The following SERAC1 variants were observed in gnomAD, a reference collection of about 807,000 sequenced individuals.
The protein encoded by SERAC1 is serine active site containing 1.
Under a neutral mutation model 85.7 loss-of-function variants are expected in SERAC1, and 36 were observed. The observed-to-expected ratio is 0.42, with a 90% CI of 0.32 to 0.55. The LOEUF is 0.55. Ranked by LOEUF, SERAC1 falls within the 20% of genes least tolerant of loss-of-function variation. The pLI, the probability that SERAC1 is intolerant of heterozygous loss-of-function variation, is 0.11. For missense variants in SERAC1, 629 were observed against 796.2 expected, an observed-to-expected ratio of 0.79 and a Z score of 2.53; for synonymous variants, 242 against 265.3, an observed-to-expected ratio of 0.91 and a Z score of 0.85.
At chr6:158,154,805 T>G (rs1199815484) in intron 3 of SERAC1, among the ~76,000 whole-genome samples, 1 of 152,176 alleles carries the variant, frequency 6.6e-6, no homozygotes, top group East Asian at 1.9e-4. Context: ...CTTTAGAACC[T>G]AATACCAGAT....
intron 1 of SERAC1, among the ~76,000 whole-genome samples, chr6:158,163,435 T>C (rs1344014894): frequency 1.3e-5 from 2 of 152,210 alleles, no homozygotes; most frequent in Non-Finnish European, 2.9e-5. Flanking sequence ...TGGTGGCTCA[T>C]GCCTATAATC....
intron 1 of SERAC1, chr6:158,162,240 A>C (rs1209519056): frequency 6.6e-6 from 1 of 152,232 alleles, no homozygotes; most frequent in East Asian, 1.9e-4. Context: ...TTCCTCATCT[A>C]TAAAATGGTG....
chr6:158,117,560 T>G lies in SERAC1; in HGVS notation c.1403+167A>C, dbSNP rs564229385. ...AGCCTTCTACTATTCCACTGCTTAT[T>G]GACAGCAAACTCCTTCTAGAAGGAA... On this transcript the variant is annotated intron_variant, in intron 13 of 16. Transcript: ENST00000647468. This position sits in a 1 kb window ranked among gnomAD's most constrained non-coding sequence, Gnocchi z 4.3. The G allele has an allele frequency of 1.2e-5, 18 of 1,551,124 alleles. No individual in the cohort carries two copies. In the African/African-American group the frequency reaches 1.4e-4, roughly 12 times the overall value.
rs113529006 is a variant in SERAC1 at position 158,130,909 on chromosome 6, T to C, written c.739-423A>G. Among the ~76,000 whole-genome samples, 110 of 152,326 alleles carry C rather than the reference T, an allele frequency of 7.2e-4. 2 individuals carry two copies. Among genetic ancestry groups the C allele is most frequent in the African/African-American group, 2.5e-3 (102 of 41,582 alleles). On this transcript the variant is annotated intron_variant, in intron 8 of 16. Coordinates refer to ENST00000647468, the MANE Select transcript of SERAC1 (RefSeq NM_032861.4). ...TAATTCAAAAGATATAAAGCATTAT[T>C]GGACAAGTTAAAAAGAAAGAACACG...
chr6:158,115,478 G>T (rs1012345624), intron 14 of SERAC1, among the ~76,000 whole-genome samples: 1 of 152,160 alleles, frequency 6.6e-6, no homozygotes, highest in African/African-American at 2.4e-5. Context: ...GAAACACAAA[G>T]ATCTAAAGGA....
rs776848798 is a variant in SERAC1, at chr6:158,117,595, G to T, written c.1403+132C>A. On this transcript the variant is annotated intron_variant, in intron 13 of 16. Transcript: ENST00000647468. The surrounding 1 kb of genome is among the most constrained non-coding windows in gnomAD (Gnocchi z 4.3). ...CTCCTTCTAGAAGGAAGACAAAAAA[G>T]ATTAGGTTTGTTCTTCATAAGAAAA... 1 of 1,557,060 alleles carries T rather than the reference G, an allele frequency of 6.4e-7. No homozygotes were observed. The highest frequency in any genetic ancestry group is 8.7e-7 in the Non-Finnish European group (1 of 1,149,318).
At position 158,120,714 on chromosome 6, in the gene SERAC1, A is replaced by T; in HGVS notation, c.1016-139T>A. 3.4e-6 allele frequency: 3 copies of T among 876,818 alleles called. No individual in the cohort carries two copies. The highest frequency in any genetic ancestry group is 5.1e-6 in the Non-Finnish European group (3 of 587,112). The allele number at this position is 876,818 out of a possible 1,614,324, so 54.3% of individuals were successfully genotyped here. A position where few individuals can be genotyped will look rare whatever the true frequency, so the allele number is the denominator to read the frequency against. ...CTTGGCGGAGAAGTCCGACTATTCC[A>T]ACCCCATTCTGCCCTACGATCCTCT... is the stretch of plus-strand genomic sequence containing the variant. On this transcript the variant is annotated intron_variant, in intron 10 of 16. Transcript: ENST00000647468. This position sits in a 1 kb window ranked among gnomAD's most constrained non-coding sequence, Gnocchi z 4.4.
At position 158,113,471 on chromosome 6, in the gene SERAC1, A is replaced by G. The variant is rs751157300; in HGVS notation, c.1806T>C (p.His602=). 2 of 1,614,028 alleles carry G rather than the reference A, an allele frequency of 1.2e-6. No homozygotes were observed. The highest frequency in any genetic ancestry group is 1.7e-5 in the Admixed American group (1 of 60,022). Residue 602 remains histidine (H), a synonymous_variant, in exon 16 of 17, where the codon CAT becomes CAC. Coordinates refer to ENST00000647468, the MANE Select transcript of SERAC1 (RefSeq NM_032861.4). ...TACCTGCTGATTCCACAGGTACCAC[A>G]TGGAGCTTAATCATGCTGCCAATGT... ...PTYIGSMIKL[H]VVPVESADLG... is the part of the protein sequence containing the mutation.
chr6:158,136,667 A>G (rs1486395356), intron 8 of SERAC1, among the ~76,000 whole-genome samples: 1 of 152,162 alleles, frequency 6.6e-6, no homozygotes, highest in Non-Finnish European at 1.5e-5. Flanking sequence ...GCTTGAAAGC[A>G]GTTTTATATA....
In SERAC1 at chr6:158,120,364, T is replaced by G. The variant is rs1013356922; in HGVS notation, c.1166+61A>C. On this transcript the variant is annotated intron_variant, in intron 11 of 16. Coordinates refer to ENST00000647468, the MANE Select transcript of SERAC1 (RefSeq NM_032861.4). This position sits in a 1 kb window ranked among gnomAD's most constrained non-coding sequence, Gnocchi z 4.4. ...AATTATGCAGAAATAAGTTAAAAAT[T>G]TGAGGCCTCTAGGCTTCACATTTCC... is the stretch of plus-strand genomic sequence containing the variant. The G allele has an allele frequency of 6.8e-7, 1 of 1,473,980 alleles. No individual in the cohort carries two copies. The highest frequency in any genetic ancestry group is 1.4e-5 in the African/African-American group (1 of 70,700). The allele number at this position is 1,473,980 out of a possible 1,614,324, so 91.3% of individuals were successfully genotyped here.
chr6:158,144,516 TA>T (rs1185823510), intron 6 of SERAC1, 96 bp from the exon 7 acceptor site: 5 of 1,183,494 alleles, frequency 4.2e-6, no homozygotes, highest in Non-Finnish European at 4.7e-6. Context: ...CTCTAATTTT[TA>T]AACTGCTCTG....
chr6:158,127,080 AG>A (rs1784556341), intron 10 of SERAC1, among the ~76,000 whole-genome samples: 1 of 152,106 alleles, frequency 6.6e-6, no homozygotes, highest in African/African-American at 2.4e-5. Flanking sequence ...ATAAATAATT[AG>A]ATGATCATCA....
chr6:158,137,931 G>A (rs940774699), intron 8 of SERAC1, among the ~76,000 whole-genome samples: 1 of 152,112 alleles, frequency 6.6e-6, no homozygotes, highest in South Asian at 2.1e-4. Flanking sequence ...GTTAGGGGAA[G>A]ATCTTTAAAA....
chr6:158,158,307 G>C lies in SERAC1; in HGVS notation c.57C>G (p.Ser19=), dbSNP rs559104163. The change falls in exon 2 of 17, where the codon TCC becomes TCG. Residue 19 remains serine (S), a synonymous_variant. Coordinates refer to ENST00000647468, the MANE Select transcript of SERAC1 (RefSeq NM_032861.4). ...ICCRRIGTST[S]PPKSGTHWRD... is the part of the protein sequence containing the mutation. ...TCCAGTGTGTGCCACTTTTTGGTGG[G>C]GAAGTAGAGGTTCCTATTCTTCTGC... is the stretch of plus-strand genomic sequence containing the variant. The C allele has an allele frequency of 1.9e-6, 3 of 1,613,550 alleles. No homozygotes were observed. The African/African-American group carries it at 4.0e-5, about 22-fold the overall frequency.
chr6:158,163,503 A>G (rs975692422), intron 1 of SERAC1, among the ~76,000 whole-genome samples: 3 of 152,158 alleles, frequency 2.0e-5, no homozygotes, highest in East Asian at 3.9e-4. Context: ...TCAACTGACT[A>G]TATCTGCGGC....
At chr6:158,165,524 C>G (rs1785579329) in intron 1 of SERAC1, among the ~76,000 whole-genome samples, 1 of 152,166 alleles carries the variant, frequency 6.6e-6, no homozygotes, top group Non-Finnish European at 1.5e-5. Context: ...ACCTATCTAT[C>G]CAACAGCTAT....
chr6:158,128,712 G>A (rs1288120564), intron 9 of SERAC1, among the ~76,000 whole-genome samples: 2 of 152,174 alleles, frequency 1.3e-5, no homozygotes, highest in Non-Finnish European at 2.9e-5. Context: ...CACACAGGGC[G>A]AGACCAGTGA....
chr6:158,127,173 C>A (rs944511800), intron 10 of SERAC1, among the ~76,000 whole-genome samples: 34 of 152,104 alleles, frequency 2.2e-4, no homozygotes, highest in Non-Finnish European at 4.1e-4. Context: ...CAATTCCTTG[C>A]CTCTACCAAA....
At chr6:158,111,610 C>CA in intron 16 of SERAC1, 108 bp from the exon 17 acceptor site, 1 of 802,708 alleles carries the variant, frequency 1.2e-6, no homozygotes, top group Non-Finnish European at 1.8e-6. Context: ...TTGGTTGTGA[C>CA]AAGGGACTCT....
Sources: allele counts gnomAD v4.1 joint callset (sites outside exome capture counted in the v4.1 genomes callset), GRCh38; gene constraint gnomAD v4.1.1; non-coding constraint Gnocchi (gnomAD v3.1); transcripts MANE v1.5; gene names NCBI Gene and HGNC (gene_info 2026-07-23, HGNC 2026-07-21).